The following SYTL5 variants were observed in gnomAD, a reference collection of about 807,000 sequenced individuals.
SYTL5 encodes the protein synaptotagmin like 5.
A neutral mutation model predicts 55.9 loss-of-function variants in SYTL5; 34 were observed. The ratio of observed to expected loss-of-function variants is 0.61; its 90% confidence interval spans 0.46 to 0.81. SYTL5 has a LOEUF of 0.81. Ranked by LOEUF, SYTL5 falls within the 30% of genes least tolerant of loss-of-function variation. The pLI, the probability that SYTL5 is intolerant of heterozygous loss-of-function variation, is 0.00. For missense variants in SYTL5, 637 were observed against 546.7 expected (o/e 1.17, Z -1.65); for synonymous variants, 221 against 188.7 (o/e 1.17, Z -1.40).
the SYTL5 span, among the ~76,000 whole-genome samples, chrX:37,960,730 GGT>G: frequency 9.3e-6 from 1 of 107,835 alleles, no homozygotes; most frequent in African/African-American, 3.4e-5. Flanking sequence ...TGGCAATGCA[GGT>G]ATTTTTTTTT....
At chrX:38,023,158 C>G (rs915708455) in intron 1 of SYTL5, among the ~76,000 whole-genome samples, 1 of 112,043 alleles carries the variant, frequency 8.9e-6, no homozygotes, top group Admixed American at 9.5e-5. Context: ...GCTGATGAAC[C>G]ACGGTGGTGT....
the SYTL5 span, among the ~76,000 whole-genome samples, chrX:37,893,837 A>C: frequency 3.3e-5 from 3 of 91,463 alleles, no homozygotes; most frequent in African/African-American, 1.4e-4. Flanking sequence ...TATATATAAT[A>C]TATAATTAAG....
chrX:37,996,969 T>C, the SYTL5 span, among the ~76,000 whole-genome samples: 1 of 112,684 alleles, frequency 8.9e-6, no homozygotes, highest in Non-Finnish European at 1.9e-5. Flanking sequence ...ACAATGCTGT[T>C]TTTAAGGAAA....
chrX:37,919,949 T>A, the SYTL5 span, among the ~76,000 whole-genome samples: 1 of 111,778 alleles, frequency 8.9e-6, no homozygotes, highest in African/African-American at 3.2e-5. Context: ...AGATAATATC[T>A]GAATCCTTGA....
At chrX:38,059,427 G>T (rs1017042221) in intron 3 of SYTL5, among the ~76,000 whole-genome samples, 1 of 111,203 alleles carries the variant, frequency 9.0e-6, no homozygotes, top group Non-Finnish European at 1.9e-5. Flanking sequence ...CTTCTGAAAG[G>T]GAATTAGGAT....
the SYTL5 span, among the ~76,000 whole-genome samples, chrX:37,930,719 A>C: frequency 8.9e-6 from 1 of 111,979 alleles, no homozygotes; most frequent in Non-Finnish European, 1.9e-5. Context: ...TTAGTTGTTA[A>C]GTTTATTTTC....
chrX:38,108,974 T>C (rs1441733665), intron 12 of SYTL5, among the ~76,000 whole-genome samples: 2 of 112,490 alleles, frequency 1.8e-5, no homozygotes, highest in African/African-American at 6.5e-5. Flanking sequence ...TGCTTCTTGC[T>C]AAAAAATCGG....
the SYTL5 span, among the ~76,000 whole-genome samples, chrX:37,904,339 G>A: frequency 1.9e-5 from 2 of 106,349 alleles, no homozygotes; most frequent in Non-Finnish European, 3.9e-5. Flanking sequence ...CTTGAAAATA[G>A]GGCATTGGGA....
chrX:38,054,073 A>G, intron 2 of SYTL5, 140 bp from the exon 3 acceptor site: 1 of 461,079 alleles, frequency 2.2e-6, no homozygotes, highest in Admixed American at 4.0e-5. Flanking sequence ...ATTCTAAGTG[A>G]GATTGCATGG....
At chrX:38,002,551 G>A (rs1201405119), upstream of SYTL5, among the ~76,000 whole-genome samples, 11 of 111,657 alleles carry the variant, frequency 9.9e-5, no homozygotes, top group East Asian at 2.8e-4. Context: ...TTGGATGATC[G>A]CCATTCTAAC....
the SYTL5 span, among the ~76,000 whole-genome samples, chrX:37,978,100 A>C: frequency 8.9e-6 from 1 of 111,971 alleles, no homozygotes; most frequent in East Asian, 2.8e-4. Flanking sequence ...ACCCAGTAAT[A>C]GTGAGAAAAT....
intron 3 of SYTL5, among the ~76,000 whole-genome samples, chrX:38,062,130 G>T (rs900869493): frequency 1.2e-4 from 13 of 110,369 alleles, no homozygotes; most frequent in African/African-American, 4.3e-4. Context: ...ACCACACCCG[G>T]CTAATTTTGT....
intron 3 of SYTL5, among the ~76,000 whole-genome samples, chrX:38,067,208 A>G (rs777032558): frequency 1.8e-5 from 2 of 111,598 alleles, no homozygotes; most frequent in Non-Finnish European, 3.8e-5. Context: ...ATGACTAACA[A>G]TTCTGGGAAG....
the SYTL5 span, among the ~76,000 whole-genome samples, chrX:37,916,500 CT>C: frequency 8.9e-6 from 1 of 112,065 alleles, no homozygotes; most frequent in Non-Finnish European, 1.9e-5. Context: ...AATGGGCTCA[CT>C]ACTGAGCTAT....
the SYTL5 span, among the ~76,000 whole-genome samples, chrX:37,978,336 G>T: frequency 9.0e-6 from 1 of 111,455 alleles, no homozygotes; most frequent in Non-Finnish European, 1.9e-5. Context: ...ACTAATGATA[G>T]GATATATGGG....
chrX:37,899,724 G>T, the SYTL5 span, among the ~76,000 whole-genome samples: 2 of 111,510 alleles, frequency 1.8e-5, no homozygotes. Flanking sequence ...GTGCCATGCA[G>T]CTTCATTGTA....
At chrX:38,107,942 C>T (rs1471848570) in intron 11 of SYTL5, among the ~76,000 whole-genome samples, 1 of 112,447 alleles carries the variant, frequency 8.9e-6, no homozygotes. Flanking sequence ...ACATCTTGTA[C>T]ATTTCTGAGT....
chrX:38,013,127 T>C (rs1474988770), intron 1 of SYTL5, among the ~76,000 whole-genome samples: 2 of 112,500 alleles, frequency 1.8e-5, no homozygotes. Flanking sequence ...TTTGAACTAC[T>C]CACAGCTGCC....
intron 10 of SYTL5, among the ~76,000 whole-genome samples, chrX:38,105,500 G>A (rs1937186618): frequency 8.9e-6 from 1 of 112,281 alleles, no homozygotes; most frequent in Non-Finnish European, 1.9e-5. Context: ...ACAAATGGTT[G>A]CATTCTTTTG....
Sources: gnomAD v4.1 joint callset for allele counts (sites outside exome capture counted in the v4.1 genomes callset) on GRCh38, gnomAD v4.1.1 for gene constraint, MANE v1.5 for transcripts, NCBI Gene and HGNC (gene_info 2026-07-23, HGNC 2026-07-21) for gene names.